Variants in FHIT observed in about 807,000 individuals in gnomAD.
FHIT encodes fragile histidine triad diadenosine triphosphatase.
Under a neutral mutation model 17.9 loss-of-function variants are expected in FHIT, and 19 were observed. That is an observed-to-expected ratio of 1.06 (90% CI 0.74 to 1.56). FHIT has a LOEUF of 1.56. Ranked by LOEUF, FHIT falls within the 40% of genes most tolerant of loss-of-function variation. The pLI, the probability that FHIT is intolerant of heterozygous loss-of-function variation, is 0.00. For synonymous variants in FHIT, 81 were observed against 69.7 expected (o/e 1.16, Z -0.81); for missense variants, 248 against 189.2 (o/e 1.31, Z -1.82).
intron 5 of FHIT, among the ~76,000 whole-genome samples, chr3:60,158,346 T>C (rs1386153843): frequency 6.6e-6 from 1 of 151,366 alleles, no homozygotes; most frequent in Non-Finnish European, 1.5e-5. Flanking sequence ...TGAGACAGAA[T>C]CTCTGCCCAG....
chr3:60,791,071 A>C (rs1700761164), intron 4 of FHIT, among the ~76,000 whole-genome samples: 1 of 152,184 alleles, frequency 6.6e-6, no homozygotes, highest in African/African-American at 2.4e-5. Context: ...GAGGAGCCCT[A>C]GTGGTCCTTT....
chr3:60,466,505 G>T (rs1054755439), intron 5 of FHIT, among the ~76,000 whole-genome samples: 1 of 151,948 alleles, frequency 6.6e-6, no homozygotes, highest in Admixed American at 6.6e-5. Context: ...TATTAGCTGT[G>T]GGTCTGTCAT....
intron 7 of FHIT, among the ~76,000 whole-genome samples, chr3:59,936,471 C>T (rs1411989560): frequency 6.6e-6 from 1 of 151,952 alleles, no homozygotes; most frequent in African/African-American, 2.4e-5. Context: ...ATTTATGTTT[C>T]AATAAAATGT....
At chr3:60,121,713 C>A (rs138796876) in intron 5 of FHIT, among the ~76,000 whole-genome samples, 37,242 of 90,698 alleles carry the variant, frequency 0.41, 4,911 homozygotes, top group East Asian at 0.48. Flanking sequence ...AAAACAAACA[C>A]ACACACACAC....
At chr3:61,230,713 A>T (rs146063492) in intron 1 of FHIT, among the ~76,000 whole-genome samples, 176 of 152,262 alleles carry the variant, frequency 1.2e-3, no homozygotes, top group African/African-American at 4.1e-3. Flanking sequence ...AGAAAAATTT[A>T]AAAAATAATA....
At chr3:60,864,077 G>A (rs1042974153) in intron 3 of FHIT, among the ~76,000 whole-genome samples, 13 of 152,184 alleles carry the variant, frequency 8.5e-5, no homozygotes, top group Non-Finnish European at 1.8e-4. Flanking sequence ...GCAGGCAAGA[G>A]AGCATGTGAA....
intron 3 of FHIT, among the ~76,000 whole-genome samples, chr3:60,930,796 A>C (rs2107364012): frequency 6.6e-6 from 1 of 152,334 alleles, no homozygotes; most frequent in East Asian, 1.9e-4. Flanking sequence ...CCATTGTGGA[A>C]GTCAGTGTGG....
intron 4 of FHIT, among the ~76,000 whole-genome samples, chr3:60,665,627 T>A (rs2040364049): frequency 6.6e-6 from 1 of 152,050 alleles, no homozygotes; most frequent in Admixed American, 6.6e-5. Flanking sequence ...GTATGATATA[T>A]GTTTTTCCAC....
chr3:59,851,335 A>G (rs1037795836), intron 8 of FHIT, among the ~76,000 whole-genome samples: 3 of 152,238 alleles, frequency 2.0e-5, no homozygotes, highest in Non-Finnish European at 4.4e-5. Flanking sequence ...TTAAGATTAG[A>G]AATATGCAGA....
intron 5 of FHIT, among the ~76,000 whole-genome samples, chr3:60,108,948 C>T (rs1171117664): frequency 1.3e-5 from 2 of 152,188 alleles, no homozygotes; most frequent in Non-Finnish European, 1.5e-5. Context: ...CAGGCGTGAG[C>T]CACCATGCCC....
chr3:60,753,982 C>A (rs891072429), intron 4 of FHIT, among the ~76,000 whole-genome samples: 20 of 151,964 alleles, frequency 1.3e-4, no homozygotes, highest in African/African-American at 4.3e-4. Context: ...ACTCAACAAG[C>A]CTTTCCCAGC....
chr3:61,109,089 A>G lies in FHIT; in HGVS notation c.-163-66990T>C, dbSNP rs1028154848. 2.0e-5 allele frequency among the ~76,000 whole-genome samples: 3 copies of G among 152,190 alleles called. No individual in the cohort carries two copies. In the South Asian group the frequency reaches 6.2e-4, roughly 32 times the overall value. On this transcript the variant is annotated intron_variant, in intron 2 of 9. Coordinates refer to ENST00000492590, the MANE Select transcript of FHIT (RefSeq NM_002012.4). ...TGGTCTTCTTCCAAGTGAACATTTTATTGGAGGTAGGGAATGGCTAAGAAG... is the reference window on the plus strand; with the variant it reads ...TGGTCTTCTTCCAAGTGAACATTTTGTTGGAGGTAGGGAATGGCTAAGAAG...
chr3:60,365,433 A>C (rs1353004056), intron 5 of FHIT, among the ~76,000 whole-genome samples: 1 of 152,060 alleles, frequency 6.6e-6, no homozygotes, highest in East Asian at 1.9e-4. Flanking sequence ...ATCACAATTC[A>C]CGTTTTAAAA....
chr3:60,222,682 C>T (rs1054980217), intron 5 of FHIT, among the ~76,000 whole-genome samples: 2 of 152,094 alleles, frequency 1.3e-5, no homozygotes, highest in African/African-American at 4.8e-5. Context: ...TTTCCTACCA[C>T]CTTTAAATAT....
intron 5 of FHIT, among the ~76,000 whole-genome samples, chr3:60,493,505 G>C (rs1436091761): frequency 2.0e-5 from 3 of 152,036 alleles, no homozygotes; most frequent in Non-Finnish European, 2.9e-5. Context: ...CCCACTATTG[G>C]GGAATATATA....
chr3:59,939,630 G>C (rs1294199316), intron 7 of FHIT, among the ~76,000 whole-genome samples: 1 of 152,204 alleles, frequency 6.6e-6, no homozygotes, highest in East Asian at 1.9e-4. Context: ...AAATGAATGT[G>C]TCTTCTAGGC....
intron 5 of FHIT, among the ~76,000 whole-genome samples, chr3:60,446,978 T>G (rs986662581): frequency 1.3e-5 from 2 of 151,982 alleles, no homozygotes; most frequent in Admixed American, 1.3e-4. Flanking sequence ...CCTGGCTGCT[T>G]TGGCAGACCC....
chr3:61,193,280 G>A (rs2038766830), intron 2 of FHIT, among the ~76,000 whole-genome samples: 1 of 152,210 alleles, frequency 6.6e-6, no homozygotes, highest in Admixed American at 6.5e-5. Flanking sequence ...GTTCCTTAAA[G>A]TAGTGGACGC....
intron 5 of FHIT, among the ~76,000 whole-genome samples, chr3:60,195,597 TTA>T (rs61306676): frequency 0.25 from 32,642 of 128,550 alleles, 4,463 homozygotes; most frequent in East Asian, 0.53. Context: ...TTATATATAA[TTA>T]TATATATGTA....
Sources: gnomAD v4.1 joint callset for allele counts (sites outside exome capture counted in the v4.1 genomes callset) on GRCh38, gnomAD v4.1.1 for gene constraint, MANE v1.5 for transcripts, NCBI Gene and HGNC (gene_info 2026-07-23, HGNC 2026-07-21) for gene names.